UGT3A2: variants seen among roughly 807,000 people sequenced by gnomAD.
The protein encoded by UGT3A2 is UDP glycosyltransferase family 3 member A2, also known as UDP-glycosyltransferase 3A2.
A neutral mutation model predicts 39.8 loss-of-function variants in UGT3A2; 32 were observed. That is an observed-to-expected ratio of 0.80 (90% CI 0.61 to 1.08). The LOEUF is 1.08. Among genes scored for constraint, UGT3A2 ranks in the 50% least tolerant of loss-of-function variants. The pLI, the probability that UGT3A2 is intolerant of heterozygous loss-of-function variation, is 0.00. For synonymous variants in UGT3A2, 241 were observed against 230.7 expected (o/e 1.04, Z -0.40); for missense variants, 611 against 637.1 (o/e 0.96, Z 0.44).
chr5:36,062,631 T>C (rs1742743955), intron 2 of UGT3A2, among the ~76,000 whole-genome samples: 1 of 152,148 alleles, frequency 6.6e-6, no homozygotes, highest in South Asian at 2.1e-4. Flanking sequence ...TACCATGCTG[T>C]TTTGTTTACT....
chr5:36,039,683 A>C lies in UGT3A2; in HGVS notation c.869T>G (p.Phe290Cys). The part of the protein sequence containing the change: ...PQDLENFIAK[F>C]GDSGFVLVTL... Reference sequence around the variant, plus strand: ...CACAAGGACAAAACCAGAGTCCCCAAACTTGGCAATGAAGTTCTCCAAGTC... The same window carrying C: ...CACAAGGACAAAACCAGAGTCCCCACACTTGGCAATGAAGTTCTCCAAGTC... The change falls in exon 5 of 7, where the codon TTT becomes TGT. Residue 290 changes from phenylalanine to cysteine, a missense_variant. Phe to Cys is a radical substitution (Grantham distance 205). Coordinates refer to ENST00000282507, the MANE Select transcript of UGT3A2 (RefSeq NM_174914.4). 3 of 1,614,214 alleles carry C rather than the reference A, an allele frequency of 1.9e-6. No homozygotes were observed. Among genetic ancestry groups the C allele is most frequent in the Non-Finnish European group, 2.5e-6 (3 of 1,180,034 alleles).
Position 36,051,876 on chromosome 5 carries a change from C to T in UGT3A2, c.305G>A (p.Gly102Asp). 1 of 1,583,068 alleles carries T rather than the reference C, an allele frequency of 6.3e-7. No individual in the cohort carries two copies. Among genetic ancestry groups the T allele is most frequent in the African/African-American group, 1.4e-5 (1 of 72,622 alleles). ...SFDFFLEETL[G>D]GRGKFENLLN... ...AGAATAAAAAAACAATTACCTGCCA[C>T]CTAAAGTTTCTTCCAGAAAGAAATC... is the stretch of plus-strand genomic sequence containing the variant. The change falls in exon 3 of 7, where the codon GGT becomes GAT. Residue 102 changes from glycine (G) to aspartate (D), a missense_variant. Transcript: ENST00000282507.
Position 36,048,963 on chromosome 5 carries a change from A to C in UGT3A2, c.769T>G (p.Phe257Val). 1 of 1,614,162 alleles carries C rather than the reference A, an allele frequency of 6.2e-7. No individual in the cohort carries two copies. Among genetic ancestry groups the C allele is most frequent in the Non-Finnish European group, 8.5e-7 (1 of 1,180,030 alleles). The change falls in exon 4 of 7, where the codon TTT becomes GTT. Residue 257 changes from phenylalanine (F) to valine (V), a missense_variant. Coordinates refer to ENST00000282507, the MANE Select transcript of UGT3A2 (RefSeq NM_174914.4). ...GTGTTGGGAAGCAGAGGTCGAGCAA[A>C]ATCAAAGGCAAAGTCAGAGTTAATG... ...WFINSDFAFD[F>V]ARPLLPNTVY...
intron 1 of UGT3A2, among the ~76,000 whole-genome samples, chr5:36,065,293 T>C (rs1360291153): frequency 1.3e-5 from 2 of 152,158 alleles, no homozygotes; most frequent in Admixed American, 1.3e-4. Context: ...CTCAGTTTAC[T>C]TATACCCAGG....
intron 1 of UGT3A2, among the ~76,000 whole-genome samples, chr5:36,065,449 G>C (rs1055606491): frequency 2.6e-5 from 4 of 152,138 alleles, no homozygotes; most frequent in Non-Finnish European, 5.9e-5. Flanking sequence ...GGGGAGTCAG[G>C]TGGCTTTCTG....
intron 2 of UGT3A2, among the ~76,000 whole-genome samples, chr5:36,054,893 G>A (rs933882892): frequency 6.6e-6 from 1 of 152,098 alleles, no homozygotes; most frequent in Non-Finnish European, 1.5e-5. Context: ...TGAGTGGTTT[G>A]TCAGTTTATT....
rs766413574 is a variant in UGT3A2 at position 36,049,305 on chromosome 5, T to C, written c.427A>G (p.Ile143Val). The C allele has an allele frequency of 1.2e-6, 2 of 1,614,074 alleles. No homozygotes were observed. The highest frequency in any genetic ancestry group is 1.7e-6 in the Non-Finnish European group (2 of 1,180,038). ...SLKNENFDMV[I>V]VETFDYCPFL... The stretch of plus-strand genomic sequence containing the variant: ...GGACAGTAGTCAAAAGTTTCAACTA[T>C]CACCATGTCGAAGTTCTCATTCTTT... The change falls in exon 4 of 7, where the codon ATA becomes GTA. Residue 143 changes from isoleucine to valine, a missense_variant. By Grantham distance (29) the Ile-to-Val change is conservative. Transcript: ENST00000282507.
intron 2 of UGT3A2, among the ~76,000 whole-genome samples, chr5:36,056,026 C>T (rs1224296628): frequency 4.6e-5 from 7 of 152,102 alleles, no homozygotes; most frequent in South Asian, 2.1e-4. Context: ...CATGAGCCAC[C>T]GCGCCCAGCC....
At chr5:36,060,258 G>A (rs1742647627) in intron 2 of UGT3A2, among the ~76,000 whole-genome samples, 1 of 152,210 alleles carries the variant, frequency 6.6e-6, no homozygotes, top group Non-Finnish European at 1.5e-5. Context: ...AACAAAAAGG[G>A]AGAAATGTTG....
At position 36,035,765 on chromosome 5, in the gene UGT3A2, A is replaced by T; in HGVS notation, c.1505T>A (p.Leu502His). Residue 502 changes from leucine to histidine, a missense_variant, in exon 7 of 7, where the codon CTT (leucine) becomes CAT (histidine). Leu to His is a moderately conservative substitution (Grantham distance 99). Coordinates refer to ENST00000282507, the MANE Select transcript of UGT3A2 (RefSeq NM_174914.4). ...LLGLTLGTLW[L>H]CGKLLGMAVW... ...AGCCATGCCCAGCAGCTTCCCACAAAGCCATAGAGTCCCCAGAGTGAGCCC... is the reference window on the plus strand; with the variant it reads ...AGCCATGCCCAGCAGCTTCCCACAATGCCATAGAGTCCCCAGAGTGAGCCC... The T allele has an allele frequency of 6.2e-7, 1 of 1,614,110 alleles. No individual in the cohort carries two copies. The highest frequency in any genetic ancestry group is 8.5e-7 in the Non-Finnish European group (1 of 1,180,008).
In UGT3A2 at chr5:36,035,863, C is replaced by T. The variant is rs138782726; in HGVS notation, c.1407G>A (p.Thr469=). 1.6e-4 allele frequency: 253 copies of T among 1,614,168 alleles called. No individual in the cohort carries two copies. Among genetic ancestry groups the T allele is most frequent in the South Asian group, 2.7e-4 (25 of 91,078 alleles). ...IDHVLQTGGA[T]HLKPYVFQQP... The stretch of plus-strand genomic sequence containing the variant: ...GCTGAAAGACATAGGGCTTGAGGTG[C>T]GTCGCGCCCCCTGTCTGGAGGACGT... The change falls in exon 7 of 7, where the codon ACG becomes ACA. Residue 469 remains threonine, a synonymous_variant. Transcript: ENST00000282507.
At position 36,048,971 on chromosome 5, in the gene UGT3A2, G is replaced by A. The variant is rs750530039; in HGVS notation, c.761C>T (p.Ala254Val). ...AELWFINSDFAFDFARPLLPN... is the reference protein window; with the variant it reads ...AELWFINSDFVFDFARPLLPN... ...AAGCAGAGGTCGAGCAAAATCAAAGGCAAAGTCAGAGTTAATGAACCACAA... is the reference window on the plus strand; with the variant it reads ...AAGCAGAGGTCGAGCAAAATCAAAGACAAAGTCAGAGTTAATGAACCACAA... The change falls in exon 4 of 7, where the codon GCC becomes GTC. Residue 254 changes from alanine to valine, a missense_variant. Physicochemically the swap from Ala to Val is moderately conservative, Grantham distance 64. Coordinates refer to ENST00000282507, the MANE Select transcript of UGT3A2 (RefSeq NM_174914.4). The A allele has an allele frequency of 6.2e-7, 1 of 1,614,114 alleles. No individual in the cohort carries two copies. Among genetic ancestry groups the A allele is most frequent in the South Asian group, 1.1e-5 (1 of 91,082 alleles).
chr5:36,052,812 T>A (rs1433354393), intron 2 of UGT3A2, among the ~76,000 whole-genome samples: 1 of 152,194 alleles, frequency 6.6e-6, no homozygotes, highest in Non-Finnish European at 1.5e-5. Flanking sequence ...TGTGCCTTCA[T>A]CACATCCAAA....
At chr5:36,039,423 G>A in intron 5 of UGT3A2, 54 bp downstream of exon 5, 2 of 1,538,074 alleles carry the variant, frequency 1.3e-6, no homozygotes, top group Admixed American at 1.7e-5. Flanking sequence ...GAGCCGTGAT[G>A]AGCCCCAAAG....
At chr5:36,043,247 A>G (rs1181541713) in intron 4 of UGT3A2, among the ~76,000 whole-genome samples, 1 of 152,060 alleles carries the variant, frequency 6.6e-6, no homozygotes, top group Admixed American at 6.6e-5. Flanking sequence ...TATTATACAA[A>G]TGCATGGAAA....
At chr5:36,042,294 A>C (rs772133640) in intron 4 of UGT3A2, among the ~76,000 whole-genome samples, 7 of 152,150 alleles carry the variant, frequency 4.6e-5, no homozygotes, top group Non-Finnish European at 1.0e-4. Context: ...TCTTTTTGCA[A>C]TCAAAGTTAA....
At chr5:36,046,209 C>T (rs115855706) in intron 4 of UGT3A2, among the ~76,000 whole-genome samples, 3,596 of 152,178 alleles carry the variant, frequency 0.024, 145 homozygotes, top group African/African-American at 0.083. Flanking sequence ...AGAGGTTCAT[C>T]GAAAAACTAA....
intron 2 of UGT3A2, 131 bp downstream of exon 2, chr5:36,064,114 TACAC>T: frequency 1.3e-6 from 1 of 781,630 alleles, no homozygotes; most frequent in Non-Finnish European, 2.0e-6. Context: ...GCACTTTACA[TACAC>T]ACACACACAA....
At chr5:36,041,703 A>G (rs1742012327) in intron 4 of UGT3A2, among the ~76,000 whole-genome samples, 1 of 152,212 alleles carries the variant, frequency 6.6e-6, no homozygotes, top group Admixed American at 6.5e-5. Flanking sequence ...CCTAATGCAG[A>G]CACAGGTGCA....
Sources: gnomAD v4.1 joint callset for allele counts (sites outside exome capture counted in the v4.1 genomes callset) on GRCh38, gnomAD v4.1.1 for gene constraint, MANE v1.5 for transcripts, NCBI Gene and HGNC (gene_info 2026-07-23, HGNC 2026-07-21) for gene names.